The following TAFA1 variants were observed in gnomAD, a reference collection of about 807,000 sequenced individuals.
TAFA1 encodes TAFA chemokine like family member 1.
TAFA1 carries 4 observed loss-of-function variants against 18.5 expected under a neutral mutation model. The observed-to-expected ratio is 0.22, with a 90% CI of 0.11 to 0.49. The LOEUF is 0.49. Ranked by LOEUF, TAFA1 falls within the 20% of genes least tolerant of loss-of-function variation. The pLI, the probability that TAFA1 is intolerant of heterozygous loss-of-function variation, is 0.98. For missense variants in TAFA1, 147 were observed against 169.0 expected, an observed-to-expected ratio of 0.87 and a Z score of 0.72; for synonymous variants, 56 against 55.2, an observed-to-expected ratio of 1.01 and a Z score of -0.06.
chr3:68,442,578 A>C (rs902896626), intron 3 of TAFA1, among the ~76,000 whole-genome samples: 3 of 152,202 alleles, frequency 2.0e-5, no homozygotes, highest in African/African-American at 7.2e-5. Flanking sequence ...AGTAGAGTTT[A>C]TGACACGTAG....
chr3:68,265,989 A>G (rs1037036583), intron 2 of TAFA1, among the ~76,000 whole-genome samples: 2 of 152,156 alleles, frequency 1.3e-5, no homozygotes, highest in Non-Finnish European at 1.5e-5. Flanking sequence ...TCTAAATTGA[A>G]CGGCACTGTC....
chr3:68,074,668 G>T (rs1425618881), intron 2 of TAFA1, among the ~76,000 whole-genome samples: 1 of 152,188 alleles, frequency 6.6e-6, no homozygotes, highest in Non-Finnish European at 1.5e-5. Context: ...AGGAAACAGA[G>T]ACTCAGGGAG....
chr3:68,407,087 G>A (rs751842241), intron 2 of TAFA1, among the ~76,000 whole-genome samples: 6 of 152,108 alleles, frequency 3.9e-5, no homozygotes, highest in Admixed American at 3.3e-4. Context: ...CAGTTTCTCC[G>A]TGATTAGCCT....
At chr3:68,055,544 C>T (rs376965705) in intron 2 of TAFA1, among the ~76,000 whole-genome samples, 324 of 152,122 alleles carry the variant, frequency 2.1e-3, no homozygotes, top group African/African-American at 7.4e-3. Context: ...TAAGTGCTTC[C>T]TTACTCAAGC....
chr3:68,365,317 C>T (rs76856185), intron 2 of TAFA1, among the ~76,000 whole-genome samples: 2,351 of 152,224 alleles, frequency 0.015, 60 homozygotes, highest in East Asian at 0.083. Context: ...ATTTTCTGGC[C>T]GCTCTACCTG....
chr3:68,033,764 A>G (rs1704987727), intron 2 of TAFA1, among the ~76,000 whole-genome samples: 1 of 152,234 alleles, frequency 6.6e-6, no homozygotes, highest in Non-Finnish European at 1.5e-5. Flanking sequence ...TCCCCATCAA[A>G]AAATCCTTAT....
intron 2 of TAFA1, among the ~76,000 whole-genome samples, chr3:68,078,016 G>C (rs1306071361): frequency 6.6e-6 from 1 of 151,994 alleles, no homozygotes; most frequent in African/African-American, 2.4e-5. Context: ...TCCTTGAAGA[G>C]GTCCTTCACA....
At chr3:68,499,379 C>CTTTTTG (rs1553697683) in intron 3 of TAFA1, among the ~76,000 whole-genome samples, 1 of 146,008 alleles carries the variant, frequency 6.8e-6, no homozygotes, top group Admixed American at 6.8e-5. Context: ...GGTATTTTTG[C>CTTTTTG]TTTTTGTTTT....
chr3:68,416,661 G>A (rs1295971332), intron 2 of TAFA1, among the ~76,000 whole-genome samples: 1 of 152,212 alleles, frequency 6.6e-6, no homozygotes, highest in East Asian at 1.9e-4. Flanking sequence ...GCATGGATGA[G>A]CTGTTACAAT....
chr3:68,115,167 C>T (rs2065310055), intron 2 of TAFA1, among the ~76,000 whole-genome samples: 1 of 152,152 alleles, frequency 6.6e-6, no homozygotes, highest in African/African-American at 2.4e-5. Context: ...AGTTTTATTT[C>T]TTGACTTGAG....
chr3:68,200,580 A>G (rs934786338), intron 2 of TAFA1, among the ~76,000 whole-genome samples: 2 of 151,556 alleles, frequency 1.3e-5, no homozygotes, highest in African/African-American at 2.4e-5. Context: ...CTTCCAAAGA[A>G]TTGGTCCGTT....
At chr3:68,156,067 G>A (rs545735274) in intron 2 of TAFA1, among the ~76,000 whole-genome samples, 6 of 152,094 alleles carry the variant, frequency 3.9e-5, no homozygotes, top group East Asian at 1.9e-4. Flanking sequence ...CAAGGGTACC[G>A]TTTCTGACAT....
At chr3:68,066,209 G>A (rs184534041) in intron 2 of TAFA1, among the ~76,000 whole-genome samples, 10 of 152,146 alleles carry the variant, frequency 6.6e-5, no homozygotes, top group East Asian at 1.9e-4. Context: ...CAATAAAGCC[G>A]TATGTGTCAT....
At chr3:68,047,254 T>A (rs6792324) in intron 2 of TAFA1, among the ~76,000 whole-genome samples, 127,544 of 152,160 alleles carry the variant, frequency 0.84, 53,494 homozygotes, top group South Asian at 0.91. Flanking sequence ...ATACAGATTC[T>A]AAATATCCTT....
chr3:68,327,423 T>C (rs1477505744), intron 2 of TAFA1, among the ~76,000 whole-genome samples: 1 of 152,112 alleles, frequency 6.6e-6, no homozygotes, highest in Non-Finnish European at 1.5e-5. Flanking sequence ...GAAAGTAAAA[T>C]GGTTGTATAA....
At chr3:68,335,010 A>G (rs1469900031) in intron 2 of TAFA1, among the ~76,000 whole-genome samples, 1 of 152,176 alleles carries the variant, frequency 6.6e-6, no homozygotes, top group African/African-American at 2.4e-5. Context: ...GCAGAGCAGA[A>G]CCATAGATTA....
At chr3:68,416,010 G>A (rs979202830) in intron 2 of TAFA1, among the ~76,000 whole-genome samples, 1 of 152,184 alleles carries the variant, frequency 6.6e-6, no homozygotes, top group Non-Finnish European at 1.5e-5. Flanking sequence ...AGGCCATCCT[G>A]GGCATTGTGG....
chr3:68,334,527 A>G (rs1488927826), intron 2 of TAFA1, among the ~76,000 whole-genome samples: 3 of 152,184 alleles, frequency 2.0e-5, no homozygotes, highest in Non-Finnish European at 4.4e-5. Context: ...GTGTGTCTCA[A>G]TCTTAATACA....
At chr3:68,476,705 C>T (rs1243178152) in intron 3 of TAFA1, among the ~76,000 whole-genome samples, 2 of 152,006 alleles carry the variant, frequency 1.3e-5, no homozygotes, top group South Asian at 2.1e-4. Context: ...TTTCTAATAC[C>T]CATCCTTTTA....
Sources: allele counts gnomAD v4.1 joint callset (sites outside exome capture counted in the v4.1 genomes callset), GRCh38; gene constraint gnomAD v4.1.1; transcripts MANE v1.5; gene names NCBI Gene and HGNC (gene_info 2026-07-23, HGNC 2026-07-21).